RBFOX1: variants seen among roughly 807,000 people sequenced by gnomAD.
RBFOX1 encodes the protein RNA binding protein fox-1 homolog 1.
A neutral mutation model predicts 57.7 loss-of-function variants in RBFOX1; 8 were observed. The observed-to-expected ratio is 0.14, with a 90% CI of 0.08 to 0.25. The LOEUF (loss-of-function observed/expected upper bound fraction) is 0.25. Ranked by LOEUF, RBFOX1 falls within the 10% of genes least tolerant of loss-of-function variation. The pLI is 1.00. For missense variants in RBFOX1, 611 were observed against 548.5 expected (o/e 1.11, Z -1.14); for synonymous variants, 326 against 222.4 (o/e 1.47, Z -4.15).
At chr16:6,281,500 G>T (rs1367080820) in intron 1 of RBFOX1, among the ~76,000 whole-genome samples, 1 of 152,024 alleles carries the variant, frequency 6.6e-6, no homozygotes, top group East Asian at 1.9e-4. Context: ...TTCCACCGAG[G>T]GTGTGGGCCC....
chr16:6,768,611 A>G (rs2077760785), intron 3 of RBFOX1, among the ~76,000 whole-genome samples: 1 of 151,814 alleles, frequency 6.6e-6, no homozygotes, highest in African/African-American at 2.4e-5. Context: ...ACAAACATAT[A>G]TGATTTGGTT....
At chr16:7,192,646 T>C (rs934217171) in intron 4 of RBFOX1, among the ~76,000 whole-genome samples, 1 of 152,156 alleles carries the variant, frequency 6.6e-6, no homozygotes, top group Admixed American at 6.5e-5. Flanking sequence ...GTTTAGATCA[T>C]AGTATTGTTT....
At chr16:6,473,338 C>T (rs1007006461) in intron 2 of RBFOX1, among the ~76,000 whole-genome samples, 3 of 152,156 alleles carry the variant, frequency 2.0e-5, no homozygotes, top group Non-Finnish European at 2.9e-5. Flanking sequence ...AATCCTTGAA[C>T]GAAACAAAAG....
chr16:7,599,543 A>C (rs967256133), intron 9 of RBFOX1, among the ~76,000 whole-genome samples: 1 of 152,122 alleles, frequency 6.6e-6, no homozygotes, highest in Non-Finnish European at 1.5e-5. Flanking sequence ...TTTTAAGTGC[A>C]CTGGACACAA....
intron 4 of RBFOX1, among the ~76,000 whole-genome samples, chr16:7,244,591 C>T (rs2094212466): frequency 6.6e-6 from 1 of 152,192 alleles, no homozygotes; most frequent in African/African-American, 2.4e-5. Context: ...TTAATTAGGA[C>T]ACAATGGGGT....
intron 1 of RBFOX1, among the ~76,000 whole-genome samples, chr16:6,298,539 G>C (rs376081381): frequency 1.3e-5 from 2 of 152,170 alleles, no homozygotes; most frequent in Admixed American, 6.5e-5. Flanking sequence ...TTCAAATTCA[G>C]TTGAACGCAG....
chr16:7,114,150 A>G (rs1373877381), intron 4 of RBFOX1, among the ~76,000 whole-genome samples: 2 of 152,196 alleles, frequency 1.3e-5, no homozygotes, highest in Admixed American at 6.6e-5. Context: ...TTTCAGTTGT[A>G]CTTAAGAGAT....
chr16:6,212,532 C>A (rs980801741), intron 1 of RBFOX1, among the ~76,000 whole-genome samples: 3 of 151,946 alleles, frequency 2.0e-5, no homozygotes, highest in Non-Finnish European at 4.4e-5. Flanking sequence ...ATGGTGAAAC[C>A]CTGTCTCTAC....
chr16:5,521,113 C>T (rs1427198699), intron 2 of RBFOX1, among the ~76,000 whole-genome samples: 1 of 152,106 alleles, frequency 6.6e-6, no homozygotes, highest in Non-Finnish European at 1.5e-5. Context: ...AAAATAAGCC[C>T]CTATCTGTTT....
At chr16:7,258,643 T>C (rs985769784) in intron 4 of RBFOX1, among the ~76,000 whole-genome samples, 4 of 152,220 alleles carry the variant, frequency 2.6e-5, no homozygotes, top group Non-Finnish European at 5.9e-5. Flanking sequence ...TCCTGTACTA[T>C]ATTATTTTAC....
intron 3 of RBFOX1, among the ~76,000 whole-genome samples, chr16:6,726,673 C>G (rs1295089055): frequency 6.6e-6 from 1 of 152,150 alleles, no homozygotes; most frequent in Non-Finnish European, 1.5e-5. Context: ...GCTTGCTGAT[C>G]AGCGTCTGGA....
At chr16:6,229,707 TAA>T (rs5815295) in intron 1 of RBFOX1, among the ~76,000 whole-genome samples, 27,727 of 145,714 alleles carry the variant, frequency 0.19, 3,147 homozygotes, top group East Asian at 0.33. Flanking sequence ...TTTCAAGGCT[TAA>T]AAAAAAAAAA....
intron 1 of RBFOX1, among the ~76,000 whole-genome samples, chr16:5,403,349 C>CAAAAAAAAAAAAAAAA (rs767830099): frequency 1.7e-4 from 14 of 82,194 alleles, no homozygotes; most frequent in East Asian, 7.7e-4. Flanking sequence ...AACGCTGTCT[C>CAAAAAAAAAAAAAAAA]AAAAAAAAAA....
At chr16:6,722,761 G>C (rs1253073699) in intron 3 of RBFOX1, among the ~76,000 whole-genome samples, 3 of 152,168 alleles carry the variant, frequency 2.0e-5, no homozygotes, top group Admixed American at 6.5e-5. Context: ...AATACTACAT[G>C]AATTATGTAG....
intron 3 of RBFOX1, among the ~76,000 whole-genome samples, chr16:6,686,746 T>G (rs1477450594): frequency 6.6e-6 from 1 of 152,150 alleles, no homozygotes; most frequent in Non-Finnish European, 1.5e-5. Context: ...CATAACTCTT[T>G]CCTTTTCTCC....
chr16:7,348,131 G>A (rs996582385), intron 4 of RBFOX1, among the ~76,000 whole-genome samples: 7 of 152,140 alleles, frequency 4.6e-5, no homozygotes, highest in African/African-American at 1.7e-4. Flanking sequence ...TAAAATTAAT[G>A]TGGGCTAAAC....
intron 4 of RBFOX1, among the ~76,000 whole-genome samples, chr16:6,004,363 A>G (rs978419292): frequency 2.0e-5 from 3 of 152,204 alleles, no homozygotes; most frequent in African/African-American, 7.2e-5. Flanking sequence ...TATTTTATCC[A>G]TTGCATAGAG....
At chr16:5,965,095 A>G (rs111619470) in intron 4 of RBFOX1, among the ~76,000 whole-genome samples, 12 of 152,284 alleles carry the variant, frequency 7.9e-5, no homozygotes, top group African/African-American at 2.4e-4. Flanking sequence ...TCGAACCCAT[A>G]GAAACAGAGG....
chr16:7,404,465 G>C (rs913712411), intron 4 of RBFOX1, among the ~76,000 whole-genome samples: 3 of 152,316 alleles, frequency 2.0e-5, no homozygotes, highest in Non-Finnish European at 2.9e-5. Context: ...GACGGCTCCT[G>C]TTAACATTTT....
Sources: gnomAD v4.1 joint callset for allele counts (sites outside exome capture counted in the v4.1 genomes callset) on GRCh38, gnomAD v4.1.1 for gene constraint, MANE v1.5 for transcripts, NCBI Gene and HGNC (gene_info 2026-07-23, HGNC 2026-07-21) for gene names.